MBD5: variants seen among roughly 807,000 people sequenced by gnomAD.
MBD5 encodes methyl-CpG-binding domain protein 5.
In MBD5, 13 loss-of-function variants were observed where a neutral mutation model predicts 117.3. The observed-to-expected ratio is 0.11, with a 90% CI of 0.07 to 0.18. The LOEUF is 0.18. Ranked by LOEUF, MBD5 falls within the 10% of genes least tolerant of loss-of-function variation. The probability of loss-of-function intolerance (pLI) is 1.00; values close to 1 mark genes in which losing one functional copy is unlikely to be tolerated. For synonymous variants in MBD5, 727 were observed against 766.4 expected (o/e 0.95, Z 0.85); for missense variants, 1,879 against 2,093.8 (o/e 0.90, Z 2.00).
chr2:148,339,894 G>A (rs939527714), intron 3 of MBD5, among the ~76,000 whole-genome samples: 2 of 152,046 alleles, frequency 1.3e-5, no homozygotes, highest in Non-Finnish European at 2.9e-5. Flanking sequence ...CACATCAGCA[G>A]ATTGTCTTGT....
intron 1 of MBD5, among the ~76,000 whole-genome samples, chr2:148,170,920 T>C (rs1169473766): frequency 6.6e-6 from 1 of 152,194 alleles, no homozygotes; most frequent in East Asian, 1.9e-4. Context: ...ATATGCAGCC[T>C]ATGAAGACTG....
Position 148,513,744 on chromosome 2 carries a change from A to T in MBD5, c.*803A>T, listed in dbSNP as rs1389722601. On this transcript the variant is annotated 3_prime_UTR_variant, in exon 14 of 14. Transcript: ENST00000642680. ...TTTTACCTAAGTTTTAAAATAGAATAGGTTTTATAAAAAAAAATCTTAGAT... is the reference window on the plus strand; with the variant it reads ...TTTTACCTAAGTTTTAAAATAGAATTGGTTTTATAAAAAAAAATCTTAGAT... 2.0e-5 allele frequency: 3 copies of T among 152,338 alleles called. No individual in the cohort carries two copies. Among genetic ancestry groups the T allele is most frequent in the Admixed American group, 6.5e-5 (1 of 15,308 alleles). 9.4% of individuals were successfully genotyped at this position (152,338 alleles called of 1,614,324 possible). A position where few individuals can be genotyped will look rare whatever the true frequency, so the allele number is the denominator to read the frequency against.
At chr2:148,114,449 A>G (rs1245367404) in intron 1 of MBD5, among the ~76,000 whole-genome samples, 1 of 152,164 alleles carries the variant, frequency 6.6e-6, no homozygotes, top group Non-Finnish European at 1.5e-5. Context: ...CAGCCTGGGC[A>G]ATAGAGTGAG....
intron 3 of MBD5, among the ~76,000 whole-genome samples, chr2:148,293,565 C>T (rs1291024433): frequency 2.0e-5 from 3 of 152,050 alleles, no homozygotes; most frequent in Non-Finnish European, 4.4e-5. Flanking sequence ...CATCTTAAAT[C>T]GAGATAGTCT....
chr2:148,363,424 G>A (rs1357593088), intron 4 of MBD5, among the ~76,000 whole-genome samples: 9 of 152,110 alleles, frequency 5.9e-5, no homozygotes, highest in East Asian at 1.9e-4. Context: ...TTGTAGAGAC[G>A]GGGTTTCGCT....
At chr2:148,188,796 G>C (rs1698741385) in intron 2 of MBD5, among the ~76,000 whole-genome samples, 1 of 152,108 alleles carries the variant, frequency 6.6e-6, no homozygotes, top group Admixed American at 6.5e-5. Context: ...ACAGCTCCCA[G>C]CGTGAGCGAC....
At chr2:148,086,176 G>C (rs1695787077) in intron 1 of MBD5, among the ~76,000 whole-genome samples, 1 of 138,930 alleles carries the variant, frequency 7.2e-6, no homozygotes. Context: ...TATATTTTAT[G>C]TTTAAAATGT....
intron 1 of MBD5, chr2:148,054,246 A>T (rs550569984): frequency 1.3e-5 from 2 of 152,268 alleles, no homozygotes; most frequent in East Asian, 3.9e-4. Flanking sequence ...AAATTCTCTT[A>T]GTTCATATGT....
intron 4 of MBD5, among the ~76,000 whole-genome samples, chr2:148,457,440 A>C (rs1706919596): frequency 6.6e-6 from 1 of 152,168 alleles, no homozygotes; most frequent in Non-Finnish European, 1.5e-5. Context: ...ATTGGATACT[A>C]AATCTTCTAA....
chr2:148,050,479 T>C (rs1694665677), intron 1 of MBD5, among the ~76,000 whole-genome samples: 1 of 152,196 alleles, frequency 6.6e-6, no homozygotes, highest in Non-Finnish European at 1.5e-5. Context: ...ACCCTTATCA[T>C]ATATGATTGC....
intron 2 of MBD5, among the ~76,000 whole-genome samples, chr2:148,190,900 G>A (rs1442573098): frequency 8.6e-6 from 1 of 115,642 alleles, no homozygotes; most frequent in Non-Finnish European, 1.8e-5. Context: ...CAAAATAAAA[G>A]GATGGAGGAA....
intron 4 of MBD5, among the ~76,000 whole-genome samples, chr2:148,432,416 G>T (rs961048389): frequency 1.3e-5 from 2 of 152,058 alleles, no homozygotes; most frequent in Non-Finnish European, 2.9e-5. Context: ...AGTGGCTTCT[G>T]CTGTGTTCAT....
chr2:148,243,475 T>C (rs2106204951), intron 3 of MBD5, among the ~76,000 whole-genome samples: 1 of 152,256 alleles, frequency 6.6e-6, no homozygotes, highest in South Asian at 2.1e-4. Flanking sequence ...TTTACGTAGA[T>C]TATTCTGTTT....
chr2:148,321,758 A>G (rs959557319), intron 3 of MBD5, among the ~76,000 whole-genome samples: 2 of 151,876 alleles, frequency 1.3e-5, no homozygotes, highest in Admixed American at 1.3e-4. Flanking sequence ...TTAAAATCCC[A>G]ACTCTTTTTT....
chr2:148,312,480 G>A (rs1431278973), intron 3 of MBD5, among the ~76,000 whole-genome samples: 1 of 152,042 alleles, frequency 6.6e-6, no homozygotes, highest in African/African-American at 2.4e-5. Flanking sequence ...AAGTTGTTGT[G>A]CTGTGTTTTT....
At chr2:148,160,463 G>C (rs1697982791) in intron 1 of MBD5, among the ~76,000 whole-genome samples, 1 of 152,148 alleles carries the variant, frequency 6.6e-6, no homozygotes, top group African/African-American at 2.4e-5. Flanking sequence ...ATGTGGAAAT[G>C]TACCTGGATA....
chr2:148,246,284 C>T (rs551924371), intron 3 of MBD5, among the ~76,000 whole-genome samples: 1 of 152,290 alleles, frequency 6.6e-6, no homozygotes, highest in African/African-American at 2.4e-5. Flanking sequence ...GAATCCAGCA[C>T]TCATAACATT....
At chr2:148,210,034 A>G (rs1203245575) in intron 2 of MBD5, among the ~76,000 whole-genome samples, 1 of 152,228 alleles carries the variant, frequency 6.6e-6, no homozygotes, top group Non-Finnish European at 1.5e-5. Context: ...TCTTGGAGGA[A>G]GGCATTTGTT....
rs962564980 is a variant in MBD5 at position 148,468,902 on chromosome 2, A to G, written c.959A>G (p.Asn320Ser). The G allele has an allele frequency of 1.9e-6, 3 of 1,613,908 alleles. No individual in the cohort carries two copies. Among genetic ancestry groups the G allele is most frequent in the Non-Finnish European group, 2.5e-6 (3 of 1,179,910 alleles). ...MKKPMCNFST[N>S]MEIPRAMFHH... ...AAACCAATGTGTAATTTTTCAACTA[A>G]TATGGAAATACCACGAGCAATGTTC... is the stretch of plus-strand genomic sequence containing the variant. The change falls in exon 8 of 14, where the codon AAT (asparagine) becomes AGT (serine). Residue 320 changes from asparagine to serine, a missense_variant. Transcript: ENST00000642680.
Sources: gnomAD v4.1 joint callset for allele counts (sites outside exome capture counted in the v4.1 genomes callset) on GRCh38, gnomAD v4.1.1 for gene constraint, MANE v1.5 for transcripts, NCBI Gene and HGNC (gene_info 2026-07-23, HGNC 2026-07-21) for gene names.